The following PCDH17 variants were observed in gnomAD, a reference collection of about 807,000 sequenced individuals.
PCDH17 encodes protocadherin-17.
In PCDH17, 21 loss-of-function variants were observed where a neutral mutation model predicts 67.7. That is an observed-to-expected ratio of 0.31 (90% CI 0.22 to 0.45). The LOEUF is 0.45. Ranked by LOEUF, PCDH17 falls within the 20% of genes least tolerant of loss-of-function variation. PCDH17 has a pLI of 1.00. For missense variants in PCDH17, 1,471 were observed against 1,564.8 expected (o/e 0.94, Z 1.01); for synonymous variants, 701 against 656.7 (o/e 1.07, Z -1.03).
Position 57,724,812 on chromosome 13 carries a change from A to G in PCDH17, c.2998A>G (p.Thr1000Ala), listed in dbSNP as rs113601945. 6.2e-7 allele frequency: 1 copy of G among 1,614,170 alleles called. No homozygotes were observed. The highest frequency in any genetic ancestry group is 8.5e-7 in the Non-Finnish European group (1 of 1,180,012). The change falls in exon 4 of 4, where the codon ACA (threonine) becomes GCA (alanine). Residue 1000 changes from threonine (T) to alanine (A), a missense_variant. Physicochemically the swap from Thr to Ala is moderately conservative, Grantham distance 58. Transcript: ENST00000377918. ...VNPTGKKTFC[T>A]FGKDKREHTI... ...TCCCACTGGGAAAAAGACTTTTTGT[A>G]CATTTGGAAAAGACAAGCGAGAGCA...
intron 3 of PCDH17, among the ~76,000 whole-genome samples, chr13:57,701,436 A>G (rs1955662118): frequency 6.6e-6 from 1 of 152,196 alleles, no homozygotes; most frequent in South Asian, 2.1e-4. Context: ...AGAATTTTCT[A>G]CTAAAGGATT....
intron 3 of PCDH17, among the ~76,000 whole-genome samples, chr13:57,691,318 A>G (rs190323061): frequency 1.3e-4 from 19 of 151,504 alleles, no homozygotes; most frequent in African/African-American, 4.3e-4. Flanking sequence ...ATAATTTATT[A>G]TTCAAAATGG....
chr13:57,693,166 A>C (rs1015640612), intron 3 of PCDH17, among the ~76,000 whole-genome samples: 25 of 149,898 alleles, frequency 1.7e-4, no homozygotes, highest in Non-Finnish European at 3.6e-4. Flanking sequence ...CAAGAAAGTT[A>C]GTGCTCATTG....
At chr13:57,658,948 T>C (rs1000747531) in intron 1 of PCDH17, among the ~76,000 whole-genome samples, 6 of 152,138 alleles carry the variant, frequency 3.9e-5, no homozygotes, top group Non-Finnish European at 7.4e-5. Context: ...TTATAATCCA[T>C]TGCCTCCTGT....
chr13:57,658,791 T>TTGTTTTGTTTTGTTG (rs1343108389), intron 1 of PCDH17, among the ~76,000 whole-genome samples: 1 of 152,026 alleles, frequency 6.6e-6, no homozygotes, highest in African/African-American at 2.4e-5. Context: ...TTGTTTTGTT[T>TTGTTTTGTTTTGTTG]TGTTTTGAGG....
At chr13:57,673,791 C>T (rs2138035327) in intron 3 of PCDH17, among the ~76,000 whole-genome samples, 1 of 152,074 alleles carries the variant, frequency 6.6e-6, no homozygotes, top group East Asian at 1.9e-4. Context: ...TTTTCAAGCC[C>T]TGTAAGGTTT....
At position 57,721,690 on chromosome 13, in the gene PCDH17, C is replaced by T. The variant is rs549766393; in HGVS notation, c.2798-2922C>T. Among the ~76,000 whole-genome samples the T allele has an allele frequency of 1.6e-3, 248 of 152,168 alleles. 3 individuals carry two copies. Among genetic ancestry groups the T allele is most frequent in the African/African-American group, 4.8e-3 (199 of 41,520 alleles). ...GCAGCTTTCCCTCCTTCTCCCTCCA[C>T]ACTACACTCTCTCTTCATCTACCCC... On this transcript the variant is annotated intron_variant, in intron 3 of 3. Transcript: ENST00000377918.
At chr13:57,674,681 A>G (rs185647431) in intron 3 of PCDH17, among the ~76,000 whole-genome samples, 2 of 151,998 alleles carry the variant, frequency 1.3e-5, no homozygotes, top group African/African-American at 4.8e-5. Flanking sequence ...GCTTTTATGG[A>G]ACTAGGAGGG....
chr13:57,725,189 C>A lies in PCDH17; in HGVS notation c.3375C>A (p.Asn1125Lys), dbSNP rs764489941. 1.9e-6 allele frequency: 3 copies of A among 1,614,002 alleles called. No homozygotes were observed. Among genetic ancestry groups the A allele is most frequent in the South Asian group, 2.2e-5 (2 of 91,078 alleles). ...GAVLEQLDHPNRDLGRESVDA... is the reference protein window; with the variant it reads ...GAVLEQLDHPKRDLGRESVDA... ...TTCTTGAGCAGCTTGACCACCCCAA[C>A]AGGGATCTGGGCAGAGAGTCTGTGG... Residue 1125 changes from asparagine to lysine, a missense_variant, in exon 4 of 4, where the codon AAC (asparagine) becomes AAA (lysine). By Grantham distance (94) the Asn-to-Lys change is moderately conservative. This residue lies in a region of PCDH17 where 297 missense variants were observed against 298.6 expected (regional missense o/e 0.99). Coordinates refer to ENST00000377918, the MANE Select transcript of PCDH17 (RefSeq NM_001040429.3).
chr13:57,669,062 T>C (rs1037552982), intron 3 of PCDH17, among the ~76,000 whole-genome samples: 3 of 151,942 alleles, frequency 2.0e-5, no homozygotes, highest in Non-Finnish European at 4.4e-5. Flanking sequence ...CATTGTTCAA[T>C]TCCCACCTAT....
At chr13:57,674,042 A>G (rs1352026002) in intron 3 of PCDH17, among the ~76,000 whole-genome samples, 1 of 152,020 alleles carries the variant, frequency 6.6e-6, no homozygotes, top group Non-Finnish European at 1.5e-5. Context: ...AGAATCCAGC[A>G]GCTGGTATCA....
intron 3 of PCDH17, among the ~76,000 whole-genome samples, chr13:57,711,324 C>G (rs889330039): frequency 1.3e-5 from 2 of 151,826 alleles, no homozygotes; most frequent in African/African-American, 4.8e-5. Flanking sequence ...AAACACAGAG[C>G]TAGTGTTGTG....
At chr13:57,649,607 C>A (rs929723979) in intron 1 of PCDH17, among the ~76,000 whole-genome samples, 2 of 152,108 alleles carry the variant, frequency 1.3e-5, no homozygotes, top group Admixed American at 1.3e-4. Context: ...TAAATGCACT[C>A]ATCTGTTTTT....
intron 3 of PCDH17, among the ~76,000 whole-genome samples, chr13:57,716,820 G>A (rs1350951913): frequency 6.6e-6 from 1 of 151,778 alleles, no homozygotes; most frequent in African/African-American, 2.4e-5. Context: ...TCATTCTACA[G>A]CATTCTACCC....
At chr13:57,715,056 G>C (rs1362851794) in intron 3 of PCDH17, among the ~76,000 whole-genome samples, 5 of 151,742 alleles carry the variant, frequency 3.3e-5, no homozygotes, top group Admixed American at 6.6e-5. Context: ...AGTTCGAGTA[G>C]AATATATGTC....
At chr13:57,708,449 C>A (rs946077977) in intron 3 of PCDH17, among the ~76,000 whole-genome samples, 4 of 151,976 alleles carry the variant, frequency 2.6e-5, no homozygotes. Flanking sequence ...TTTCTCTAAA[C>A]AAACATTCAG....
chr13:57,644,064 T>C (rs1954936179), intron 1 of PCDH17, among the ~76,000 whole-genome samples: 1 of 151,766 alleles, frequency 6.6e-6, no homozygotes, highest in African/African-American at 2.4e-5. Flanking sequence ...AGTAACTATT[T>C]TAATATCAAT....
In PCDH17 at chr13:57,725,274, C is replaced by T. The variant is rs777584964; in HGVS notation, c.3460C>T (p.Pro1154Ser). ...TTTGCAAGACTGCCGGGGAAACGACCCTGTGGCTGTGAGAAAGTGAAAAAA... is the reference window on the plus strand; with the variant it reads ...TTTGCAAGACTGCCGGGGAAACGACTCTGTGGCTGTGAGAAAGTGAAAAAA... ...KLLQDCRGND[P>S]VAVRK The change falls in exon 4 of 4, where the codon CCT (proline) becomes TCT (serine). Residue 1154 changes from proline to serine, a missense_variant. By Grantham distance (74) the Pro-to-Ser change is moderately conservative. Transcript: ENST00000377918. 6.3e-7 allele frequency: 1 copy of T among 1,597,074 alleles called. No individual in the cohort carries two copies. The highest frequency in any genetic ancestry group is 8.5e-7 in the Non-Finnish European group (1 of 1,173,708).
intron 3 of PCDH17, among the ~76,000 whole-genome samples, chr13:57,680,320 T>C (rs1434430985): frequency 6.6e-6 from 1 of 151,432 alleles, no homozygotes; most frequent in African/African-American, 2.4e-5. Flanking sequence ...GTGAATTGAG[T>C]GTTTAAAGGC....
Sources: allele counts gnomAD v4.1 joint callset (sites outside exome capture counted in the v4.1 genomes callset), GRCh38; gene constraint gnomAD v4.1.1; regional missense constraint gnomAD v4.1.1; transcripts MANE v1.5; gene names NCBI Gene and HGNC (gene_info 2026-07-23, HGNC 2026-07-21).